Variants in WDR43 observed in about 807,000 individuals in gnomAD.
WDR43 encodes WD repeat-containing protein 43.
In WDR43, 13 loss-of-function variants were observed where a neutral mutation model predicts 91.4. The observed-to-expected ratio is 0.14, with a 90% CI of 0.09 to 0.23. WDR43 has a LOEUF of 0.23. Ranked by LOEUF, WDR43 falls within the 10% of genes least tolerant of loss-of-function variation. The pLI is 1.00. For missense variants in WDR43, 780 were observed against 809.4 expected (o/e 0.96, Z 0.44); for synonymous variants, 331 against 287.9 (o/e 1.15, Z -1.51).
At chr2:28,918,544 T>G (rs1170228479) in intron 6 of WDR43, among the ~76,000 whole-genome samples, 1 of 151,776 alleles carries the variant, frequency 6.6e-6, no homozygotes, top group African/African-American at 2.4e-5. Context: ...AATTTTGTAT[T>G]TTTTAGTAGA....
chr2:28,946,560 A>G, intron 17 of WDR43, 40 bp from the exon 18 acceptor site: 1 of 1,582,662 alleles, frequency 6.3e-7, no homozygotes, highest in South Asian at 1.2e-5. Context: ...TGTAAGAATG[A>G]GACCTTCATG....
chr2:28,894,879 A>G lies in WDR43; in HGVS notation c.181A>G (p.Thr61Ala), dbSNP rs1172260717. ...CGTGCCTTCCGCGCACCTCAGTGGT[A>G]CCTGCACCTGTCTGGCCTGGGCGCC... is the stretch of plus-strand genomic sequence containing the variant. The part of the protein sequence containing the change: ...EYVPSAHLSG[T>A]CTCLAWAPAR... Residue 61 changes from threonine to alanine, a missense_variant, in exon 1 of 18, where the codon ACC becomes GCC. Physicochemically the swap from Thr to Ala is moderately conservative, Grantham distance 58 (BLOSUM62 0). Coordinates refer to ENST00000407426, the MANE Select transcript of WDR43 (RefSeq NM_015131.3). 1.2e-6 allele frequency: 2 copies of G among 1,607,714 alleles called. No homozygotes were observed. Among genetic ancestry groups the G allele is most frequent in the Non-Finnish European group, 1.7e-6 (2 of 1,177,468 alleles).
intron 2 of WDR43, among the ~76,000 whole-genome samples, chr2:28,902,852 G>A (rs890314593): frequency 6.6e-6 from 1 of 152,170 alleles, no homozygotes; most frequent in East Asian, 1.9e-4. Context: ...GACAGTAACC[G>A]AACTGGTCTA....
chr2:28,917,013 C>G (rs1572589645), intron 5 of WDR43, among the ~76,000 whole-genome samples: 1 of 152,300 alleles, frequency 6.6e-6, no homozygotes, highest in East Asian at 1.9e-4. Context: ...ACATCCCAGT[C>G]TTCTTGTGCT....
chr2:28,938,071 C>A, intron 14 of WDR43, 77 bp downstream of exon 14: 1 of 1,457,464 alleles, frequency 6.9e-7, no homozygotes. Context: ...ACAAGTATGG[C>A]TGAACAAAAC....
At chr2:28,917,749 C>T (rs1363275476) in intron 5 of WDR43, 144 bp from the exon 6 acceptor site, 2 of 693,114 alleles carry the variant, frequency 2.9e-6, no homozygotes, top group African/African-American at 3.7e-5. Flanking sequence ...TTGTTTTGAT[C>T]TTTAGTCACT....
intron 12 of WDR43, 140 bp downstream of exon 12, chr2:28,935,747 CAAAAAAAAAAAA>C: frequency 4.1e-6 from 1 of 242,168 alleles, no homozygotes; most frequent in Non-Finnish European, 7.5e-6. Flanking sequence ...GTACTTTAGA[CAAAAAAAAAAAA>C]AAAAAAAAAG....
At chr2:28,935,779 T>G in intron 12 of WDR43, 172 bp downstream of exon 12, 1 of 401,566 alleles carries the variant, frequency 2.5e-6, no homozygotes, top group Non-Finnish European at 4.4e-6. Flanking sequence ...GTGAAATTAA[T>G]TCCTGGGGCA....
At chr2:28,905,365 C>T (rs369785300) in intron 2 of WDR43, among the ~76,000 whole-genome samples, 10 of 152,126 alleles carry the variant, frequency 6.6e-5, no homozygotes, top group Non-Finnish European at 1.5e-4. Context: ...TCTATTCCTA[C>T]GTGCCTCTTA....
chr2:28,925,496 T>C (rs2148191276), intron 8 of WDR43, among the ~76,000 whole-genome samples: 1 of 152,344 alleles, frequency 6.6e-6, no homozygotes, highest in East Asian at 1.9e-4. Context: ...TCTTACTAGT[T>C]GGTCAGTACA....
At chr2:28,934,764 C>A (rs971133938) in intron 11 of WDR43, among the ~76,000 whole-genome samples, 2 of 152,108 alleles carry the variant, frequency 1.3e-5, no homozygotes, top group African/African-American at 2.4e-5. Context: ...TCTATTTTTG[C>A]CTTTTGGTGC....
intron 16 of WDR43, among the ~76,000 whole-genome samples, chr2:28,944,487 A>G (rs567392572): frequency 2.2e-4 from 34 of 152,366 alleles, no homozygotes; most frequent in African/African-American, 7.9e-4. Context: ...TTTAAAACAT[A>G]TATGTAGAGA....
At chr2:28,921,933 C>T (rs1671036858) in intron 6 of WDR43, among the ~76,000 whole-genome samples, 1 of 152,086 alleles carries the variant, frequency 6.6e-6, no homozygotes, top group African/African-American at 2.4e-5. Context: ...AGTCTGGTCT[C>T]GAACTTCCAG....
At chr2:28,897,812 G>C (rs1375111379) in intron 1 of WDR43, among the ~76,000 whole-genome samples, 1 of 152,188 alleles carries the variant, frequency 6.6e-6, no homozygotes, top group Non-Finnish European at 1.5e-5. Flanking sequence ...GTTGGTCACA[G>C]AATGATTACA....
intron 5 of WDR43, among the ~76,000 whole-genome samples, chr2:28,917,120 G>C (rs141363874): frequency 9.9e-5 from 15 of 152,268 alleles, no homozygotes; most frequent in Non-Finnish European, 2.2e-4. Flanking sequence ...CATGGTGCTA[G>C]GTGAACTACT....
intron 1 of WDR43, 118 bp downstream of exon 1, chr2:28,895,041 C>A: frequency 1.8e-6 from 2 of 1,084,392 alleles, no homozygotes; most frequent in Non-Finnish European, 2.4e-6. Context: ...GGCCAGAAGG[C>A]TTGGAGGCGG....
chr2:28,928,523 T>C (rs955617203), intron 10 of WDR43, among the ~76,000 whole-genome samples: 3 of 152,236 alleles, frequency 2.0e-5, no homozygotes, highest in African/African-American at 7.2e-5. Context: ...ATGTCCTTTT[T>C]AATCTTTTTT....
At chr2:28,940,396 A>C (rs1056586768) in intron 14 of WDR43, among the ~76,000 whole-genome samples, 1 of 151,742 alleles carries the variant, frequency 6.6e-6, no homozygotes, top group African/African-American at 2.4e-5. Flanking sequence ...TGCCTGGCTA[A>C]TTTTTGTGTT....
intron 16 of WDR43, among the ~76,000 whole-genome samples, chr2:28,945,854 A>C (rs755480118): frequency 7.2e-5 from 11 of 152,216 alleles, no homozygotes; most frequent in Non-Finnish European, 1.6e-4. Context: ...GGGTTAAATA[A>C]TGCTAATTCT....
Sources: allele counts gnomAD v4.1 joint callset (sites outside exome capture counted in the v4.1 genomes callset), GRCh38; gene constraint gnomAD v4.1.1; transcripts MANE v1.5; gene names NCBI Gene and HGNC (gene_info 2026-07-23, HGNC 2026-07-21).